CCDC158: variants seen among roughly 807,000 people sequenced by gnomAD.
CCDC158 encodes coiled-coil domain containing 158.
In CCDC158, 116 loss-of-function variants were observed where a neutral mutation model predicts 138.6. That is an observed-to-expected ratio of 0.84 (90% CI 0.72 to 0.98). CCDC158 has a LOEUF of 0.98. Among genes scored for constraint, CCDC158 ranks in the 50% least tolerant of loss-of-function variants. The probability of loss-of-function intolerance (pLI) is 0.00; values close to 1 mark genes in which losing one functional copy is unlikely to be tolerated. For missense variants in CCDC158, 1,265 were observed against 1,306.1 expected (o/e 0.97, Z 0.48); for synonymous variants, 436 against 442.4 (o/e 0.99, Z 0.18).
At chr4:76,360,570 G>A (rs1457998807) in intron 13 of CCDC158, among the ~76,000 whole-genome samples, 4 of 152,216 alleles carry the variant, frequency 2.6e-5, no homozygotes, top group African/African-American at 4.8e-5. Flanking sequence ...TGCCCTGAAT[G>A]TGAGACATGG....
At chr4:76,402,161 A>G (rs1728451351) in intron 3 of CCDC158, 1 of 152,234 alleles carries the variant, frequency 6.6e-6, no homozygotes, top group East Asian at 1.9e-4. Context: ...CATTAAATTG[A>G]AAAGAAAAAA....
intron 3 of CCDC158, among the ~76,000 whole-genome samples, chr4:76,397,211 G>GGAA (rs1553905272): frequency 6.8e-6 from 1 of 146,418 alleles, no homozygotes; most frequent in African/African-American, 2.5e-5. Context: ...CTTAATTTTG[G>GGAA]AAAAAAAAAA....
chr4:76,327,556 T>G (rs1474177666), intron 22 of CCDC158, among the ~76,000 whole-genome samples: 1 of 152,178 alleles, frequency 6.6e-6, no homozygotes, highest in African/African-American at 2.4e-5. Flanking sequence ...TTTATTTATC[T>G]AAATATGTCC....
At chr4:76,323,445 C>T in intron 23 of CCDC158, 36 bp from the exon 24 acceptor site, 1 of 1,438,994 alleles carries the variant, frequency 6.9e-7, no homozygotes, top group Non-Finnish European at 9.5e-7. Context: ...TATTAAAAGT[C>T]TACTCAACAT....
At chr4:76,381,187 C>T (rs1166861832) in intron 8 of CCDC158, among the ~76,000 whole-genome samples, 3 of 152,202 alleles carry the variant, frequency 2.0e-5, no homozygotes, top group African/African-American at 7.2e-5. Flanking sequence ...CTTAGTGGAG[C>T]TGTGAGAAGA....
intron 21 of CCDC158, among the ~76,000 whole-genome samples, chr4:76,330,614 C>T (rs1294871751): frequency 2.0e-5 from 3 of 152,106 alleles, no homozygotes; most frequent in African/African-American, 2.4e-5. Context: ...AAGATGGTTG[C>T]ATCTATACTG....
chr4:76,336,813 T>A (rs950734692), intron 18 of CCDC158, among the ~76,000 whole-genome samples: 6 of 152,208 alleles, frequency 3.9e-5, no homozygotes, highest in Non-Finnish European at 5.9e-5. Context: ...CCTTGCTTGA[T>A]CTGGATGCTA....
intron 13 of CCDC158, among the ~76,000 whole-genome samples, chr4:76,359,813 C>T (rs1020429470): frequency 3.9e-5 from 6 of 152,170 alleles, no homozygotes; most frequent in African/African-American, 1.4e-4. Context: ...ATTTGCATCC[C>T]AACCATGCAG....
At chr4:76,353,013 C>A in intron 16 of CCDC158, 110 bp downstream of exon 16, 1 of 844,494 alleles carries the variant, frequency 1.2e-6, no homozygotes, top group Non-Finnish European at 1.8e-6. Context: ...GGATACAACA[C>A]AAATTGATAC....
intron 1 of CCDC158, among the ~76,000 whole-genome samples, chr4:76,415,082 G>A (rs1003960998): frequency 6.6e-6 from 1 of 152,188 alleles, no homozygotes; most frequent in African/African-American, 2.4e-5. Context: ...TAAGGTCCAG[G>A]CTGAGGTGGT....
At position 76,351,779 on chromosome 4, in the gene CCDC158, T is replaced by TTA. The variant is rs748511909; in HGVS notation, c.2477_2478dup (p.Ile827Ter). 6 of 1,613,210 alleles carry TTA rather than the reference T, an allele frequency of 3.7e-6. No individual in the cohort carries two copies. The highest frequency in any genetic ancestry group is 5.1e-6 in the Non-Finnish European group (6 of 1,179,314). ...ACTGATTCTTGCTCCTGACGCTGTATTATATCTTGACATTCTGCAAACTGC... is the reference window on the plus strand; with the variant it reads ...ACTGATTCTTGCTCCTGACGCTGTATTATATATCTTGACATTCTGCAAACTGC... On this transcript the variant is annotated frameshift_variant, in exon 17 of 25. Transcript: ENST00000682701. LOFTEE classifies it high-confidence loss of function.
chr4:76,317,341 C>G (rs1428773048), intron 24 of CCDC158, among the ~76,000 whole-genome samples: 1 of 152,012 alleles, frequency 6.6e-6, no homozygotes, highest in Non-Finnish European at 1.5e-5. Flanking sequence ...AGTCTTATAT[C>G]AGACAAAACC....
intron 8 of CCDC158, among the ~76,000 whole-genome samples, chr4:76,379,994 T>C (rs1726084313): frequency 6.6e-6 from 1 of 152,138 alleles, no homozygotes; most frequent in African/African-American, 2.4e-5. Flanking sequence ...GCTTTCCCCA[T>C]GATTGTAAGT....
chr4:76,385,345 GA>G (rs950925926), intron 4 of CCDC158, among the ~76,000 whole-genome samples: 2 of 151,182 alleles, frequency 1.3e-5, no homozygotes, highest in Admixed American at 6.6e-5. Flanking sequence ...CAAACACCCA[GA>G]AAAAAAAGAA....
At chr4:76,400,891 T>A (rs1728313784) in intron 3 of CCDC158, among the ~76,000 whole-genome samples, 1 of 152,176 alleles carries the variant, frequency 6.6e-6, no homozygotes, top group African/African-American at 2.4e-5. Context: ...GGCAAGTGAC[T>A]GGCTGAAATA....
intron 24 of CCDC158, among the ~76,000 whole-genome samples, chr4:76,314,844 CTG>C (rs1349217155): frequency 6.6e-6 from 1 of 152,128 alleles, no homozygotes; most frequent in Non-Finnish European, 1.5e-5. Flanking sequence ...CAACTGAACT[CTG>C]TAATAATTTC....
intron 15 of CCDC158, among the ~76,000 whole-genome samples, chr4:76,353,895 T>C (rs1278083451): frequency 6.6e-6 from 1 of 152,156 alleles, no homozygotes; most frequent in Non-Finnish European, 1.5e-5. Flanking sequence ...ATAATAAATG[T>C]ATAGTTGTCA....
intron 3 of CCDC158, among the ~76,000 whole-genome samples, chr4:76,398,648 C>T (rs1728046815): frequency 2.0e-5 from 2 of 99,822 alleles, no homozygotes; most frequent in South Asian, 3.4e-4. Flanking sequence ...GCCTGGGCAA[C>T]AAAGCGAGAC....
rs976842324 is a variant in CCDC158 at position 76,379,310 on chromosome 4, T to C, written c.1009A>G (p.Lys337Glu). The C allele has an allele frequency of 1.9e-6, 3 of 1,605,180 alleles. No individual in the cohort carries two copies. Among genetic ancestry groups the C allele is most frequent in the South Asian group, 1.1e-5 (1 of 89,264 alleles). The change falls in exon 9 of 25, where the codon AAA becomes GAA. Residue 337 changes from lysine (K) to glutamate (E), a missense_variant. Transcript: ENST00000682701. ...CTCACCTTGTCTTCATACATCCTTT[T>C]GGCTTCCCTTAATTCAGAACGTAGC... ...SQLRSELREA[K>E]RMYEDKTEEL...
Sources: allele counts gnomAD v4.1 joint callset (sites outside exome capture counted in the v4.1 genomes callset), GRCh38; gene constraint gnomAD v4.1.1; transcripts MANE v1.5; gene names NCBI Gene and HGNC (gene_info 2026-07-23, HGNC 2026-07-21).